The following CDS1 variants were observed in gnomAD, a reference collection of about 807,000 sequenced individuals.
The protein encoded by CDS1 is CDP-diacylglycerol synthase 1, also known as phosphatidate cytidylyltransferase 1.
Under a neutral mutation model 62.1 loss-of-function variants are expected in CDS1, and 41 were observed. That is an observed-to-expected ratio of 0.66 (90% CI 0.51 to 0.86). The LOEUF (loss-of-function observed/expected upper bound fraction) is 0.86. Among genes scored for constraint, CDS1 ranks in the 40% least tolerant of loss-of-function variants. The pLI, the probability that CDS1 is intolerant of heterozygous loss-of-function variation, is 0.00. For missense variants in CDS1, 470 were observed against 550.1 expected (o/e 0.85, Z 1.46); for synonymous variants, 185 against 192.6 (o/e 0.96, Z 0.32).
In CDS1 at chr4:84,590,995, G is replaced by A. The variant is rs1470096683; in HGVS notation, c.117+7477G>A. Among the ~76,000 whole-genome samples, 10 of 152,024 alleles carry A rather than the reference G, an allele frequency of 6.6e-5. No homozygotes were observed. The East Asian group carries it at 1.2e-3, about 18-fold the overall frequency. On this transcript the variant is annotated intron_variant, in intron 1 of 12. Transcript: ENST00000295887. Reference sequence around the variant, plus strand: ...TGCTGACACATTTTAAATGCCTCTCGGGGCCTGATAATTTAATGAGACTCA... The same window carrying A: ...TGCTGACACATTTTAAATGCCTCTCAGGGCCTGATAATTTAATGAGACTCA...
intron 3 of CDS1, among the ~76,000 whole-genome samples, chr4:84,614,261 C>A (rs1201828899): frequency 6.6e-6 from 1 of 151,976 alleles, no homozygotes; most frequent in East Asian, 1.9e-4. Flanking sequence ...CTAAAAAAAC[C>A]AAACTTTTAA....
chr4:84,618,857 G>A (rs1480338724), intron 4 of CDS1, among the ~76,000 whole-genome samples: 2 of 152,126 alleles, frequency 1.3e-5, no homozygotes, highest in African/African-American at 4.8e-5. Context: ...GAGGACAGGT[G>A]GGGATTTGTC....
intron 1 of CDS1, among the ~76,000 whole-genome samples, chr4:84,586,950 A>G (rs1722440445): frequency 2.0e-5 from 3 of 152,220 alleles, no homozygotes; most frequent in African/African-American, 7.2e-5. Context: ...GTTGAAGACA[A>G]TGGGTAGGCC....
chr4:84,637,868 A>G (rs1008298267), intron 8 of CDS1, among the ~76,000 whole-genome samples: 16 of 152,260 alleles, frequency 1.1e-4, no homozygotes, highest in African/African-American at 3.9e-4. Context: ...CTCCTACTTC[A>G]TGGCAGTGAT....
At position 84,622,571 on chromosome 4, in the gene CDS1, C is replaced by T. The variant is rs188776115; in HGVS notation, c.580+3038C>T. Among the ~76,000 whole-genome samples the T allele has an allele frequency of 2.3e-3, 350 of 151,990 alleles. No homozygotes were observed. In the Middle Eastern group the frequency reaches 0.024, roughly 10 times the overall value. ...TCATGCCGCTGCACTCCAGCCTGGGCGACAGAGCGAGACTCCATCTCAAAA... is the reference window on the plus strand; with the variant it reads ...TCATGCCGCTGCACTCCAGCCTGGGTGACAGAGCGAGACTCCATCTCAAAA... On this transcript the variant is annotated intron_variant, in intron 5 of 12. Coordinates refer to ENST00000295887, the MANE Select transcript of CDS1 (RefSeq NM_001263.4).
chr4:84,622,134 A>G (rs1043966386), intron 5 of CDS1, among the ~76,000 whole-genome samples: 1 of 152,058 alleles, frequency 6.6e-6, no homozygotes, highest in Non-Finnish European at 1.5e-5. Flanking sequence ...TTTTTTTATT[A>G]TGGGAGAGAA....
At chr4:84,598,460 A>G (rs1219619393) in intron 1 of CDS1, among the ~76,000 whole-genome samples, 1 of 151,272 alleles carries the variant, frequency 6.6e-6, no homozygotes, top group Non-Finnish European at 1.5e-5. Context: ...ACATGTGCAC[A>G]ACGTGCAGGT....
chr4:84,594,720 A>C (rs1332425119), intron 1 of CDS1, among the ~76,000 whole-genome samples: 2 of 152,114 alleles, frequency 1.3e-5, no homozygotes, highest in Non-Finnish European at 2.9e-5. Flanking sequence ...ACTGTTATTA[A>C]GAGATTGCTA....
chr4:84,637,154 G>C (rs996124172), intron 8 of CDS1, among the ~76,000 whole-genome samples: 3 of 152,184 alleles, frequency 2.0e-5, no homozygotes, highest in Admixed American at 2.0e-4. Flanking sequence ...GGGCTGAGCT[G>C]TATAAGGATA....
At chr4:84,592,843 A>G (rs1442709576) in intron 1 of CDS1, among the ~76,000 whole-genome samples, 1 of 152,192 alleles carries the variant, frequency 6.6e-6, no homozygotes, top group East Asian at 1.9e-4. Context: ...AGGCTGATGT[A>G]GCCAATCTGA....
At chr4:84,583,968 G>A (rs1448825075) in intron 1 of CDS1, among the ~76,000 whole-genome samples, 12 of 152,134 alleles carry the variant, frequency 7.9e-5, no homozygotes, top group Non-Finnish European at 1.2e-4. Context: ...TCCTGACGCG[G>A]GAGGCTTGGC....
chr4:84,620,439 G>C (rs905673179), intron 5 of CDS1, among the ~76,000 whole-genome samples: 1 of 151,376 alleles, frequency 6.6e-6, no homozygotes, highest in Non-Finnish European at 1.5e-5. Flanking sequence ...AGCCAGGATG[G>C]TCTCAATCTC....
intron 8 of CDS1, among the ~76,000 whole-genome samples, chr4:84,636,163 G>A (rs192560980): frequency 5.3e-4 from 80 of 151,990 alleles, no homozygotes; most frequent in Admixed American, 4.7e-3. Flanking sequence ...TCAACCTGTC[G>A]CCTTACCTGT....
intron 1 of CDS1, among the ~76,000 whole-genome samples, chr4:84,588,452 T>A (rs902641572): frequency 2.0e-5 from 3 of 152,192 alleles, no homozygotes; most frequent in Non-Finnish European, 2.9e-5. Flanking sequence ...ACGGGAGAAT[T>A]GCAATAGAGA....
At chr4:84,610,593 C>T (rs1010381480) in intron 3 of CDS1, among the ~76,000 whole-genome samples, 1 of 152,138 alleles carries the variant, frequency 6.6e-6, no homozygotes, top group African/African-American at 2.4e-5. Context: ...TGTCTCTGCC[C>T]TCATGGAGCA....
intron 1 of CDS1, among the ~76,000 whole-genome samples, chr4:84,586,577 AATAC>A (rs756668164): frequency 1.3e-5 from 2 of 152,106 alleles, no homozygotes; most frequent in Non-Finnish European, 2.9e-5. Flanking sequence ...TGTGGCTGTA[AATAC>A]AGAGGAAGCT....
chr4:84,608,191 G>A (rs1723190082), intron 2 of CDS1, among the ~76,000 whole-genome samples: 1 of 152,164 alleles, frequency 6.6e-6, no homozygotes, highest in East Asian at 1.9e-4. Flanking sequence ...TTTGTTTTTT[G>A]GAGACGGAGT....
chr4:84,639,995 GTTA>G (rs1230719772), intron 9 of CDS1, among the ~76,000 whole-genome samples: 1 of 151,350 alleles, frequency 6.6e-6, no homozygotes, highest in Non-Finnish European at 1.5e-5. Flanking sequence ...GTAAGAATTT[GTTA>G]TTATCAAAGA....
intron 3 of CDS1, among the ~76,000 whole-genome samples, chr4:84,610,318 G>A (rs922213579): frequency 8.5e-5 from 13 of 152,134 alleles, no homozygotes; most frequent in African/African-American, 3.1e-4. Flanking sequence ...AGCGGGGCAT[G>A]GAGGTAGTGA....
Sources: gnomAD v4.1 joint callset for allele counts (sites outside exome capture counted in the v4.1 genomes callset) on GRCh38, gnomAD v4.1.1 for gene constraint, MANE v1.5 for transcripts, NCBI Gene and HGNC (gene_info 2026-07-23, HGNC 2026-07-21) for gene names.